APMAP: variants seen among roughly 807,000 people sequenced by gnomAD.
APMAP encodes adipocyte plasma membrane associated protein.
Under a neutral mutation model 43.6 loss-of-function variants are expected in APMAP, and 33 were observed. The ratio of observed to expected loss-of-function variants is 0.76; its 90% CI spans 0.57 to 1.01. The LOEUF is 1.01. APMAP is among the 50% of genes least tolerant of loss of function. APMAP has a pLI of 0.00. For synonymous variants in APMAP, 224 were observed against 216.7 expected (o/e 1.03, Z -0.30); for missense variants, 498 against 540.7 (o/e 0.92, Z 0.78).
intron 2 of APMAP, among the ~76,000 whole-genome samples, chr20:24,980,586 C>T (rs1005120402): frequency 6.6e-6 from 1 of 151,760 alleles, no homozygotes; most frequent in African/African-American, 2.4e-5. Context: ...TTCGCTTGGC[C>T]TCGGTCACCT....
chr20:24,974,765 A>G (rs2088036406), intron 3 of APMAP, among the ~76,000 whole-genome samples: 1 of 152,204 alleles, frequency 6.6e-6, no homozygotes, highest in East Asian at 1.9e-4. Flanking sequence ...GCATCACACA[A>G]TGACAAAGGG....
chr20:24,971,935 ACTCACTGCAGGTGCTTATTGCAGGGTG>A (rs2088005237), intron 4 of APMAP, among the ~76,000 whole-genome samples: 3 of 85,028 alleles, frequency 3.5e-5, no homozygotes, highest in African/African-American at 9.5e-5. Context: ...ACTGTGGGGT[ACTCACTGCAGGTGCTTATTGCAGGGTG>A]CTCACTGCAG....
At chr20:24,982,027 A>G (rs1032000928) in intron 2 of APMAP, among the ~76,000 whole-genome samples, 1 of 152,166 alleles carries the variant, frequency 6.6e-6, no homozygotes, top group African/African-American at 2.4e-5. Flanking sequence ...TCTGCTCTGC[A>G]TTTTGGGGCC....
At chr20:24,992,508 T>C (rs2088202822) in intron 1 of APMAP, 86 bp downstream of exon 1, 2 of 1,128,142 alleles carry the variant, frequency 1.8e-6, no homozygotes, top group Non-Finnish European at 2.3e-6. Context: ...CCCAGGTTAC[T>C]GTTACTGCCG....
intron 8 of APMAP, among the ~76,000 whole-genome samples, chr20:24,966,834 G>T (rs113221163): frequency 6.6e-6 from 1 of 152,114 alleles, no homozygotes. Flanking sequence ...GCATCTCCTG[G>T]TTTCACTCAG....
chr20:24,973,813 G>C, intron 3 of APMAP, 76 bp from the exon 4 acceptor site: 1 of 1,331,378 alleles, frequency 7.5e-7, no homozygotes, highest in Non-Finnish European at 1.1e-6. Flanking sequence ...TCCTACAAGA[G>C]GGCTTGTTTA....
intron 1 of APMAP, among the ~76,000 whole-genome samples, chr20:24,985,700 G>A (rs921139790): frequency 6.6e-6 from 1 of 152,210 alleles, no homozygotes; most frequent in Non-Finnish European, 1.5e-5. Flanking sequence ...GAATAGAGCT[G>A]TGGGTGAAGG....
chr20:24,976,838 T>C (rs2088053883), intron 3 of APMAP, among the ~76,000 whole-genome samples: 1 of 152,170 alleles, frequency 6.6e-6, no homozygotes, highest in Non-Finnish European at 1.5e-5. Context: ...GGAATATTAC[T>C]CAGTGCTAAA....
intron 8 of APMAP, 111 bp downstream of exon 8, chr20:24,968,781 T>C: frequency 9.1e-7 from 1 of 1,097,454 alleles, no homozygotes; most frequent in East Asian, 2.7e-5. Flanking sequence ...CTAAGTGTCA[T>C]TCAGAGCCAA....
chr20:24,988,679 G>A (rs757068705), intron 1 of APMAP, among the ~76,000 whole-genome samples: 12 of 152,124 alleles, frequency 7.9e-5, no homozygotes, highest in South Asian at 4.1e-4. Flanking sequence ...CTCTTTCATC[G>A]GTTGTTCCTC....
chr20:24,983,487 T>A (rs988261627), intron 2 of APMAP, among the ~76,000 whole-genome samples: 27 of 152,208 alleles, frequency 1.8e-4, no homozygotes, highest in African/African-American at 5.5e-4. Flanking sequence ...TACTCATAGA[T>A]CTCTATCGGT....
intron 1 of APMAP, among the ~76,000 whole-genome samples, chr20:24,987,708 T>C (rs550432809): frequency 8.5e-5 from 13 of 152,260 alleles, no homozygotes; most frequent in African/African-American, 3.1e-4. Flanking sequence ...AAACTGGCCA[T>C]TATACTAAAA....
At chr20:24,967,632 G>A (rs1481896890) in intron 8 of APMAP, among the ~76,000 whole-genome samples, 1 of 152,210 alleles carries the variant, frequency 6.6e-6, no homozygotes, top group African/African-American at 2.4e-5. Context: ...TACGCTAAGG[G>A]CACTATGTGC....
At chr20:24,986,263 C>T (rs996527443) in intron 1 of APMAP, among the ~76,000 whole-genome samples, 5 of 152,202 alleles carry the variant, frequency 3.3e-5, no homozygotes, top group African/African-American at 9.7e-5. Context: ...AGAGCTCACC[C>T]CGTACACCTG....
At chr20:24,987,083 T>C (rs999016202) in intron 1 of APMAP, among the ~76,000 whole-genome samples, 7 of 152,362 alleles carry the variant, frequency 4.6e-5, no homozygotes, top group Admixed American at 2.6e-4. Context: ...CAGTTGATTA[T>C]GTATGTATCT....
intron 8 of APMAP, among the ~76,000 whole-genome samples, chr20:24,965,271 G>A (rs1283486153): frequency 6.6e-6 from 1 of 152,214 alleles, no homozygotes; most frequent in African/African-American, 2.4e-5. Flanking sequence ...CCCTGGCCTG[G>A]GCCCTGCCCT....
At chr20:24,980,588 C>T (rs1036646532) in intron 2 of APMAP, among the ~76,000 whole-genome samples, 17 of 151,420 alleles carry the variant, frequency 1.1e-4, no homozygotes, top group Non-Finnish European at 8.8e-5. Context: ...CGCTTGGCCT[C>T]GGTCACCTCT....
intron 8 of APMAP, 44 bp from the exon 9 acceptor site, chr20:24,964,066 G>A (rs748347548): frequency 2.8e-5 from 45 of 1,595,056 alleles, no homozygotes; most frequent in Non-Finnish European, 3.8e-5. Flanking sequence ...AGCTGGCCAA[G>A]AACACTGTGC....
intron 2 of APMAP, among the ~76,000 whole-genome samples, chr20:24,983,028 C>T (rs979998784): frequency 1.2e-4 from 18 of 152,186 alleles, no homozygotes; most frequent in African/African-American, 3.9e-4. Flanking sequence ...TTTACAGCAC[C>T]TTGTGCCTTT....
Sources: allele counts gnomAD v4.1 joint callset (sites outside exome capture counted in the v4.1 genomes callset), GRCh38; gene constraint gnomAD v4.1.1; transcripts MANE v1.5; gene names NCBI Gene and HGNC (gene_info 2026-07-23, HGNC 2026-07-21).